Variants in LAMA2 observed in about 807,000 individuals in gnomAD.
LAMA2 encodes laminin subunit alpha-2.
In LAMA2, 269 loss-of-function variants were observed where a neutral mutation model predicts 364.8. That is an observed-to-expected ratio of 0.74 (90% CI 0.67 to 0.82). The LOEUF is 0.82. Among genes scored for constraint, LAMA2 ranks in the 40% least tolerant of loss-of-function variants. LAMA2 has a pLI of 0.00. For synonymous variants in LAMA2, 1,379 were observed against 1,370.6 expected (o/e 1.01, Z -0.14); for missense variants, 3,807 against 3,873.2 (o/e 0.98, Z 0.45).
chr6:129,275,724 T>A (rs1341691188), intron 17 of LAMA2, among the ~76,000 whole-genome samples: 2 of 144,528 alleles, frequency 1.4e-5, no homozygotes, highest in African/African-American at 2.5e-5. Flanking sequence ...TAAAAATTTG[T>A]AAAAAAAAAA....
chr6:129,203,551 A>T (rs749625629), intron 12 of LAMA2, among the ~76,000 whole-genome samples: 1 of 152,242 alleles, frequency 6.6e-6, no homozygotes, highest in Non-Finnish European at 1.5e-5. Flanking sequence ...CTACAAGCTA[A>T]GGAGAGAGGG....
intron 10 of LAMA2, among the ~76,000 whole-genome samples, chr6:129,179,356 A>T (rs986168285): frequency 6.6e-6 from 1 of 152,176 alleles, no homozygotes; most frequent in Non-Finnish European, 1.5e-5. Context: ...ATATAAAATC[A>T]AACAGGGAAG....
intron 32 of LAMA2, 109 bp from the exon 33 acceptor site, chr6:129,366,109 CT>C: frequency 2.6e-6 from 3 of 1,175,112 alleles, no homozygotes; most frequent in Non-Finnish European, 3.8e-6. Flanking sequence ...GTAGTTTCAT[CT>C]TCCATGGAAT....
At chr6:129,014,178 A>G (rs115655704) in intron 1 of LAMA2, among the ~76,000 whole-genome samples, 92 of 152,286 alleles carry the variant, frequency 6.0e-4, no homozygotes, top group African/African-American at 2.2e-3. Context: ...GCCATACTGA[A>G]TTTTAGGCAC....
intron 58 of LAMA2, among the ~76,000 whole-genome samples, chr6:129,497,901 CTCTTAT>C (rs1785317032): frequency 6.6e-6 from 1 of 152,282 alleles, no homozygotes; most frequent in South Asian, 2.1e-4. Flanking sequence ...TTATACTTCT[CTCTTAT>C]TCTTTAGCCC....
intron 1 of LAMA2, among the ~76,000 whole-genome samples, chr6:128,938,901 G>A (rs568883527): frequency 1.8e-4 from 27 of 152,166 alleles, no homozygotes; most frequent in South Asian, 6.2e-4. Flanking sequence ...ACCTAACAAT[G>A]ACTTCACTCA....
chr6:129,388,743 G>A (rs1183600897), intron 35 of LAMA2, among the ~76,000 whole-genome samples: 1 of 152,076 alleles, frequency 6.6e-6, no homozygotes, highest in Non-Finnish European at 1.5e-5. Context: ...AGCTTTAGCA[G>A]GTTGGGAAGT....
intron 36 of LAMA2, 104 bp downstream of exon 36, chr6:129,391,757 T>G (rs1260230076): frequency 1.1e-6 from 1 of 936,006 alleles, no homozygotes; most frequent in Non-Finnish European, 1.7e-6. Flanking sequence ...GATGCTTTGT[T>G]TTTCCAACCT....
chr6:128,911,244 C>T (rs945612067), intron 1 of LAMA2, among the ~76,000 whole-genome samples: 115 of 152,268 alleles, frequency 7.6e-4, no homozygotes, highest in African/African-American at 2.2e-3. Context: ...GCCTCGCTGC[C>T]GCCTTGCAGT....
intron 14 of LAMA2, among the ~76,000 whole-genome samples, chr6:129,255,343 T>G (rs1583350571): frequency 7.3e-6 from 1 of 136,194 alleles, no homozygotes; most frequent in South Asian, 2.3e-4. Context: ...GATGTGGAGG[T>G]TGCAGTGAGC....
At chr6:129,417,366 A>T (rs1403577617) in intron 40 of LAMA2, among the ~76,000 whole-genome samples, 1 of 152,106 alleles carries the variant, frequency 6.6e-6, no homozygotes, top group Admixed American at 6.5e-5. Context: ...CACAGTGGGT[A>T]GCTCCTATCC....
intron 9 of LAMA2, 109 bp downstream of exon 9, chr6:129,165,784 T>G: frequency 1.3e-6 from 1 of 765,158 alleles, no homozygotes; most frequent in South Asian, 1.5e-5. Flanking sequence ...TGTAATAAAT[T>G]TATTCTTTAA....
chr6:129,324,573 T>A (rs1404314891), intron 28 of LAMA2, among the ~76,000 whole-genome samples: 1 of 152,172 alleles, frequency 6.6e-6, no homozygotes, highest in African/African-American at 2.4e-5. Context: ...CGTTAGGTGA[T>A]CTCCTCATTG....
chr6:128,988,423 A>G (rs1783406358), intron 1 of LAMA2, among the ~76,000 whole-genome samples: 1 of 152,336 alleles, frequency 6.6e-6, no homozygotes, highest in East Asian at 1.9e-4. Flanking sequence ...TGCAAAGTAT[A>G]AAATATTTGT....
chr6:129,060,405 T>G (rs1029303379), intron 3 of LAMA2, among the ~76,000 whole-genome samples: 1 of 152,222 alleles, frequency 6.6e-6, no homozygotes, highest in African/African-American at 2.4e-5. Context: ...TTATACAAAA[T>G]TGATGCCGGA....
intron 37 of LAMA2, among the ~76,000 whole-genome samples, chr6:129,394,048 C>T (rs959398425): frequency 6.6e-6 from 1 of 152,080 alleles, no homozygotes; most frequent in Non-Finnish European, 1.5e-5. Flanking sequence ...ATTATTTTTT[C>T]TTCTTTTTTT....
At chr6:129,132,300 A>G (rs922525762) in intron 4 of LAMA2, among the ~76,000 whole-genome samples, 4 of 151,706 alleles carry the variant, frequency 2.6e-5, no homozygotes, top group Admixed American at 6.6e-5. Flanking sequence ...CTGAGTAGCT[A>G]GGACTACAGG....
At chr6:128,964,284 T>C (rs1001309577) in intron 1 of LAMA2, among the ~76,000 whole-genome samples, 8 of 152,086 alleles carry the variant, frequency 5.3e-5, no homozygotes, top group African/African-American at 1.9e-4. Context: ...GGCTGTATTT[T>C]CCGACTGACT....
intron 12 of LAMA2, among the ~76,000 whole-genome samples, chr6:129,211,152 A>C (rs1166225853): frequency 6.6e-6 from 1 of 152,214 alleles, no homozygotes; most frequent in Non-Finnish European, 1.5e-5. Context: ...AATAATAAAT[A>C]ACCCTACAAA....
Sources: allele counts gnomAD v4.1 joint callset (sites outside exome capture counted in the v4.1 genomes callset), GRCh38; gene constraint gnomAD v4.1.1; transcripts MANE v1.5; gene names NCBI Gene and HGNC (gene_info 2026-07-23, HGNC 2026-07-21).